The following ARL15 variants were observed in gnomAD, a reference collection of about 807,000 sequenced individuals.
ARL15 encodes ADP-ribosylation factor-like protein 15.
A neutral mutation model predicts 25.2 loss-of-function variants in ARL15; 19 were observed. The observed-to-expected ratio is 0.75, with a 90% CI of 0.53 to 1.10. The LOEUF is 1.10. Ranked by LOEUF, ARL15 falls within the 50% of genes least tolerant of loss-of-function variation. ARL15 has a pLI of 0.00. For synonymous variants in ARL15, 94 were observed against 86.8 expected (o/e 1.08, Z -0.46); for missense variants, 220 against 246.0 (o/e 0.89, Z 0.71).
rs1266881005 is a variant in ARL15, at chr5:53,938,975, A to G, written c.463-52262T>C. Among the ~76,000 whole-genome samples the G allele has an allele frequency of 5.9e-5, 9 of 152,346 alleles. 1 individual carries two copies. In the East Asian group the frequency reaches 1.2e-3, roughly 20 times the overall value. Reference sequence around the variant, plus strand: ...TCATAAAATTACGCTAAAATCCTTTAAGCTATTATAGATTTCCTCTCAGTT... The same window carrying G: ...TCATAAAATTACGCTAAAATCCTTTGAGCTATTATAGATTTCCTCTCAGTT... On this transcript the variant is annotated intron_variant, in intron 4 of 4. Coordinates refer to ENST00000504924, the MANE Select transcript of ARL15 (RefSeq NM_019087.3).
intron 4 of ARL15, among the ~76,000 whole-genome samples, chr5:53,893,274 CTGCG>C (rs1744776834): frequency 6.6e-6 from 1 of 152,066 alleles, no homozygotes; most frequent in Non-Finnish European, 1.5e-5. Context: ...CCACAGAAAC[CTGCG>C]AGTACAACAA....
intron 1 of ARL15, among the ~76,000 whole-genome samples, chr5:54,231,342 A>T (rs993031005): frequency 1.3e-5 from 2 of 151,948 alleles, no homozygotes; most frequent in Non-Finnish European, 2.9e-5. Flanking sequence ...CTCAATCCCC[A>T]CTGCCCACTT....
At chr5:54,308,002 A>T (rs1461880008) in intron 1 of ARL15, 1 of 152,206 alleles carries the variant, frequency 6.6e-6, no homozygotes, top group African/African-American at 2.4e-5. Flanking sequence ...AAGATACCAG[A>T]TGCAAATAAA....
intron 4 of ARL15, among the ~76,000 whole-genome samples, chr5:54,077,512 GA>G (rs1751649399): frequency 6.6e-6 from 1 of 152,282 alleles, no homozygotes; most frequent in Non-Finnish European, 1.5e-5. Flanking sequence ...AACAAGTGTT[GA>G]AAAGGTCTGA....
chr5:54,003,671 T>C (rs1469036796), intron 4 of ARL15, among the ~76,000 whole-genome samples: 2 of 21,922 alleles, frequency 9.1e-5, no homozygotes, highest in Non-Finnish European at 2.0e-4. Context: ...TTTCTATCTA[T>C]CTATCTATCT....
At chr5:54,181,775 G>T (rs941352759) in intron 1 of ARL15, among the ~76,000 whole-genome samples, 1 of 152,076 alleles carries the variant, frequency 6.6e-6, no homozygotes, top group African/African-American at 2.4e-5. Context: ...CTCTTCAAAA[G>T]AAAAATTTAT....
intron 4 of ARL15, among the ~76,000 whole-genome samples, chr5:53,941,437 C>T (rs893624571): frequency 6.6e-6 from 1 of 152,128 alleles, no homozygotes; most frequent in African/African-American, 2.4e-5. Context: ...ACAGAATGGG[C>T]CTGTCGTTAA....
chr5:54,201,959 G>A (rs1755736142), intron 1 of ARL15, among the ~76,000 whole-genome samples: 1 of 152,096 alleles, frequency 6.6e-6, no homozygotes, highest in African/African-American at 2.4e-5. Context: ...GAAATTCAAA[G>A]CAAGAAGGAA....
intron 1 of ARL15, chr5:54,285,466 G>A (rs1449732736): frequency 3.1e-6 from 1 of 318,692 alleles, no homozygotes; most frequent in Non-Finnish European, 4.5e-6. Flanking sequence ...TGGTATCAAG[G>A]TATAATTTGA....
intron 4 of ARL15, among the ~76,000 whole-genome samples, chr5:53,984,661 T>G (rs1169980485): frequency 6.6e-6 from 1 of 152,224 alleles, no homozygotes; most frequent in East Asian, 1.9e-4. Flanking sequence ...TTTACCATAA[T>G]AATTTCATTT....
chr5:54,142,670 G>A (rs180673577), intron 3 of ARL15, among the ~76,000 whole-genome samples: 27 of 152,210 alleles, frequency 1.8e-4, no homozygotes, highest in East Asian at 1.7e-3. Context: ...GAGTTGTTAG[G>A]AGGCCAACGT....
chr5:54,013,878 C>T (rs575330125), intron 4 of ARL15, among the ~76,000 whole-genome samples: 75 of 149,508 alleles, frequency 5.0e-4, no homozygotes, highest in African/African-American at 1.7e-3. Context: ...AAAGCTCTAA[C>T]CTCTGAACCT....
chr5:53,898,344 T>G (rs534986628), intron 4 of ARL15, among the ~76,000 whole-genome samples: 1 of 152,334 alleles, frequency 6.6e-6, no homozygotes, highest in Non-Finnish European at 1.5e-5. Flanking sequence ...AGTTGGGAAG[T>G]GTTCCCTCCT....
At chr5:53,897,737 A>T (rs1744920956) in intron 4 of ARL15, among the ~76,000 whole-genome samples, 1 of 152,208 alleles carries the variant, frequency 6.6e-6, no homozygotes, top group Admixed American at 6.5e-5. Context: ...AAACAACTTT[A>T]TATCCTGAGA....
At chr5:54,211,710 G>A (rs62372185) in intron 1 of ARL15, among the ~76,000 whole-genome samples, 2,521 of 152,156 alleles carry the variant, frequency 0.017, 32 homozygotes, top group Non-Finnish European at 0.023. Context: ...GACCTCAGGT[G>A]ATCCGACCGC....
intron 4 of ARL15, among the ~76,000 whole-genome samples, chr5:54,055,631 G>C (rs906372191): frequency 6.6e-6 from 1 of 152,084 alleles, no homozygotes; most frequent in Non-Finnish European, 1.5e-5. Flanking sequence ...AAAGTGCTGG[G>C]ATTATAGGCG....
intron 1 of ARL15, among the ~76,000 whole-genome samples, chr5:54,239,463 C>A (rs1043396459): frequency 7.2e-5 from 11 of 152,232 alleles, no homozygotes; most frequent in African/African-American, 2.6e-4. Context: ...TCTTTGGTTT[C>A]TCTGGATTGG....
chr5:54,163,355 GCTTTTTTTTTTTTTTTTTTTTTT>G (rs1296175001), intron 2 of ARL15, among the ~76,000 whole-genome samples: 2 of 51,346 alleles, frequency 3.9e-5, no homozygotes, highest in African/African-American at 1.7e-4. Flanking sequence ...TTGGTATGAA[GCTTTTTTTTTTTTTTTTTTTTTT>G]TTTTTTTTTT....
chr5:54,125,790 T>C (rs1479228901), intron 3 of ARL15, among the ~76,000 whole-genome samples: 1 of 152,160 alleles, frequency 6.6e-6, no homozygotes, highest in African/African-American at 2.4e-5. Flanking sequence ...TACACAGCAA[T>C]AGATAATTAA....
Sources: allele counts gnomAD v4.1 joint callset (sites outside exome capture counted in the v4.1 genomes callset), GRCh38; gene constraint gnomAD v4.1.1; transcripts MANE v1.5; gene names NCBI Gene and HGNC (gene_info 2026-07-23, HGNC 2026-07-21).